ZNF341: variants seen among roughly 807,000 people sequenced by gnomAD.
The protein encoded by ZNF341 is zinc finger protein 341.
A neutral mutation model predicts 87.7 loss-of-function variants in ZNF341; 52 were observed. That is an observed-to-expected ratio of 0.59 (90% CI 0.47 to 0.75). The LOEUF (loss-of-function observed/expected upper bound fraction) is 0.75, where lower values mean the gene tolerates loss of function less well. Ranked by LOEUF, ZNF341 falls within the 30% of genes least tolerant of loss-of-function variation. ZNF341 has a pLI of 0.00. For missense variants in ZNF341, 977 were observed against 1,145.9 expected (o/e 0.85, Z 2.13); for synonymous variants, 459 against 472.7 (o/e 0.97, Z 0.38).
intron 11 of ZNF341, among the ~76,000 whole-genome samples, chr20:33,783,154 C>CAAATAAAATAAAATAAAATA (rs71192773): frequency 3.3e-5 from 5 of 150,116 alleles, no homozygotes; most frequent in African/African-American, 9.8e-5. Flanking sequence ...AACTGCATCT[C>CAAATAAAATAAAATAAAATA]AAATAAAATA....
chr20:33,737,942 A>G (rs968951383), intron 1 of ZNF341, among the ~76,000 whole-genome samples: 1 of 151,192 alleles, frequency 6.6e-6, no homozygotes, highest in South Asian at 2.1e-4. Context: ...GTTTGAGACC[A>G]GCCTGACCAA....
intron 12 of ZNF341, 116 bp from the exon 13 acceptor site, chr20:33,788,747 C>T (rs2122743376): frequency 1.3e-6 from 1 of 775,034 alleles, no homozygotes; most frequent in Non-Finnish European, 2.3e-6. Context: ...AGGCTATTTT[C>T]TCCCCTGGCC....
At chr20:33,780,399 C>G (rs371224333) in intron 10 of ZNF341, among the ~76,000 whole-genome samples, 2 of 151,652 alleles carry the variant, frequency 1.3e-5, no homozygotes, top group South Asian at 4.2e-4. Context: ...CATGGTCTGA[C>G]TTACTTTTTT....
intron 2 of ZNF341, among the ~76,000 whole-genome samples, chr20:33,743,410 G>A (rs1447887043): frequency 1.2e-4 from 17 of 142,290 alleles, no homozygotes; most frequent in African/African-American, 3.7e-4. Context: ...GTGTGATCTC[G>A]CTCACTGCAA....
At chr20:33,738,627 G>T (rs939263473) in intron 1 of ZNF341, among the ~76,000 whole-genome samples, 1 of 152,228 alleles carries the variant, frequency 6.6e-6, no homozygotes, top group African/African-American at 2.4e-5. Context: ...GGTGGTTCCA[G>T]ATAGTGGAGG....
At chr20:33,764,559 AT>A (rs1333930084) in intron 8 of ZNF341, among the ~76,000 whole-genome samples, 1 of 48,952 alleles carries the variant, frequency 2.0e-5, no homozygotes, top group Non-Finnish European at 3.3e-5. Flanking sequence ...ATATATATAT[AT>A]ATTTTTTTTT....
At chr20:33,785,063 T>G (rs544333880) in intron 12 of ZNF341, among the ~76,000 whole-genome samples, 1 of 152,326 alleles carries the variant, frequency 6.6e-6, no homozygotes, top group East Asian at 1.9e-4. Flanking sequence ...TTAGATTTTT[T>G]TATTAGTTAA....
rs2019416188 is a variant in ZNF341, at chr20:33,766,848, C to A, written c.1223-3C>A. The A allele has an allele frequency of 6.2e-7, 1 of 1,600,174 alleles. No individual in the cohort carries two copies. The highest frequency in any genetic ancestry group is 8.5e-7 in the Non-Finnish European group (1 of 1,172,056). On this transcript the variant is annotated splice_polypyrimidine_tract_variant and splice_region_variant and intron_variant, in intron 8 of 14. Coordinates refer to ENST00000375200, the MANE Select transcript of ZNF341 (RefSeq NM_001282933.2). ...GTCCTGACTTCCCTGGCTTTCTCCA[C>A]AGGGTTGGGCCAGCCCCTGCCGGGT...
At position 33,746,228 on chromosome 20, in the gene ZNF341, C is replaced by CT. The variant is rs34461652; in HGVS notation, c.339+951dup. 9.1e-3 allele frequency among the ~76,000 whole-genome samples: 947 copies of CT among 104,094 alleles called. 10 individuals are homozygous for CT. The highest frequency in any genetic ancestry group is 0.013 in the Non-Finnish European group (702 of 55,466). 68.3% of individuals were successfully genotyped at this position (104,094 alleles called of 152,430 possible). On this transcript the variant is annotated intron_variant, in intron 3 of 14. Coordinates refer to ENST00000375200, the MANE Select transcript of ZNF341 (RefSeq NM_001282933.2). ...ACAGGCGTGAGCCACCGCGCCCGGCCTTTTTTTTTTTTTTTTTTTTTTGAG... is the reference window on the plus strand; with the variant it reads ...ACAGGCGTGAGCCACCGCGCCCGGCCTTTTTTTTTTTTTTTTTTTTTTTGAG...
In ZNF341 at chr20:33,791,097, C is replaced by G. The variant is rs766300086; in HGVS notation, c.2145C>G (p.Gly715=). ...GCAACTACAAGTTCCGCTGTGCTGG[C>G]TGCGCCAAGGGCTTTTCCCGCCACA... ...HTGNYKFRCA[G]CAKGFSRHKY... is the part of the protein sequence containing the mutation. The change falls in exon 15 of 15, where the codon GGC becomes GGG. Residue 715 remains glycine (G), a synonymous_variant. Transcript: ENST00000375200. 3.7e-6 allele frequency: 6 copies of G among 1,613,010 alleles called. No individual in the cohort carries two copies. The highest frequency in any genetic ancestry group is 1.7e-5 in the Admixed American group (1 of 60,004).
intron 1 of ZNF341, among the ~76,000 whole-genome samples, chr20:33,736,281 G>A (rs957317174): frequency 6.6e-6 from 1 of 151,764 alleles, no homozygotes; most frequent in Non-Finnish European, 1.5e-5. Flanking sequence ...TGCAAAAATT[G>A]TAACAGTGAG....
chr20:33,731,996 G>A lies in ZNF341; in HGVS notation c.-26G>A. 3 of 1,442,678 alleles carry A rather than the reference G, an allele frequency of 2.1e-6. No individual in the cohort carries two copies. 89.4% of individuals were successfully genotyped at this position (1,442,678 alleles called of 1,614,324 possible). On this transcript the variant is annotated 5_prime_UTR_variant, in exon 1 of 15. It adds an upstream start codon to the 5' untranslated region. Coordinates refer to ENST00000375200, the MANE Select transcript of ZNF341 (RefSeq NM_001282933.2). ...CTCGCGTAGCCGGGCTTCGGTTCCT[G>A]TGGCGGCGACGGCGGCGGCTCCAAG...
At chr20:33,746,379 G>A (rs1056327675) in intron 3 of ZNF341, among the ~76,000 whole-genome samples, 6 of 151,256 alleles carry the variant, frequency 4.0e-5, no homozygotes, top group Non-Finnish European at 8.8e-5. Context: ...GACTACAGGC[G>A]CGCACCACCA....
intron 10 of ZNF341, among the ~76,000 whole-genome samples, chr20:33,771,339 G>A (rs548442810): frequency 4.6e-4 from 70 of 151,916 alleles, no homozygotes; most frequent in Admixed American, 1.2e-3. Flanking sequence ...CAGCCTCCCC[G>A]GGCTCAGGTG....
At chr20:33,780,635 C>T (rs548575577) in intron 10 of ZNF341, among the ~76,000 whole-genome samples, 2 of 152,126 alleles carry the variant, frequency 1.3e-5, no homozygotes, top group African/African-American at 4.8e-5. Flanking sequence ...GTCTCAAACT[C>T]CTGACCTCAG....
chr20:33,748,560 G>T (rs2018987476), intron 3 of ZNF341, among the ~76,000 whole-genome samples: 1 of 151,830 alleles, frequency 6.6e-6, no homozygotes, highest in Admixed American at 6.6e-5. Context: ...TAGAGACAGG[G>T]TTTCACCATG....
chr20:33,775,802 C>T (rs2019615560), intron 10 of ZNF341, among the ~76,000 whole-genome samples: 2 of 151,952 alleles, frequency 1.3e-5, no homozygotes, highest in East Asian at 1.9e-4. Flanking sequence ...CTGGCTCAAA[C>T]AATCCATCCC....
At chr20:33,789,263 G>A (rs1472231216) in intron 13 of ZNF341, among the ~76,000 whole-genome samples, 2 of 152,026 alleles carry the variant, frequency 1.3e-5, no homozygotes, top group African/African-American at 2.4e-5. Context: ...GGCTGGTCTC[G>A]AGCTCCTGAC....
chr20:33,753,146 T>C (rs1448352929), intron 4 of ZNF341, 26 bp from the exon 5 acceptor site: 2 of 1,611,680 alleles, frequency 1.2e-6, no homozygotes, highest in East Asian at 2.2e-5. Flanking sequence ...CAAGAGGCTA[T>C]AACACTTTTT....
Sources: allele counts gnomAD v4.1 joint callset (sites outside exome capture counted in the v4.1 genomes callset), GRCh38; gene constraint gnomAD v4.1.1; transcripts MANE v1.5; gene names NCBI Gene and HGNC (gene_info 2026-07-23, HGNC 2026-07-21).